PCDHA9: variants seen among roughly 807,000 people sequenced by gnomAD.
PCDHA9 encodes protocadherin alpha 9, also known as protocadherin alpha-9.
In PCDHA9, 62 loss-of-function variants were observed where a neutral mutation model predicts 62.0. The observed-to-expected ratio is 1.00, with a 90% confidence interval of 0.81 to 1.23. The LOEUF (loss-of-function observed/expected upper bound fraction) is 1.23. PCDHA9 is among the 50% of genes most tolerant of loss of function. PCDHA9 has a pLI of 0.00. For missense variants in PCDHA9, 1,205 were observed against 1,249.8 expected (o/e 0.96, Z 0.54); for synonymous variants, 557 against 567.6 (o/e 0.98, Z 0.27).
intron 3 of PCDHA9, among the ~76,000 whole-genome samples, chr5:140,994,104 T>C (rs1356172498): frequency 6.6e-6 from 1 of 152,210 alleles, no homozygotes; most frequent in Non-Finnish European, 1.5e-5. Context: ...ATGGAAATAT[T>C]ACATTGTCAT....
Position 140,929,287 on chromosome 5 carries a change from C to T in PCDHA9, c.2395-49662C>T, listed in dbSNP as rs782325052. On this transcript the variant is annotated intron_variant, in intron 1 of 3. Transcript: ENST00000532602. The stretch of plus-strand genomic sequence containing the variant: ...TTTGCCAATATCCTGTATTCAGATT[C>T]GGAATAGGAAAGGGGATCACGCTAA... 13 of 1,598,668 alleles carry T rather than the reference C, an allele frequency of 8.1e-6. No homozygotes were observed. In the East Asian group the frequency reaches 2.5e-4, roughly 30 times the overall value.
chr5:140,926,881 C>G, intron 1 of PCDHA9: 1 of 1,541,960 alleles, frequency 6.5e-7, no homozygotes, highest in Non-Finnish European at 8.8e-7. Context: ...AACGTGGACG[C>G]CTAGAGGGAG....
rs543030376 is a variant in PCDHA9, at chr5:140,961,758, G to A, written c.2395-17191G>A. 3.3e-5 allele frequency among the ~76,000 whole-genome samples: 5 copies of A among 152,240 alleles called. No individual in the cohort carries two copies. In the South Asian group the frequency reaches 8.3e-4, roughly 25 times the overall value. On this transcript the variant is annotated intron_variant, in intron 1 of 3. Coordinates refer to ENST00000532602, the MANE Select transcript of PCDHA9 (RefSeq NM_031857.2). ...CTTTAGTAATATTACAGTTTTGAAG[G>A]AATTTATATCAAGCTTAATGGCACT...
chr5:140,874,868 T>C (rs1554167378), intron 1 of PCDHA9, among the ~76,000 whole-genome samples: 1 of 152,254 alleles, frequency 6.6e-6, no homozygotes, highest in Non-Finnish European at 1.5e-5. Flanking sequence ...TTATCCTTTG[T>C]TAAATACAAA....
intron 1 of PCDHA9, among the ~76,000 whole-genome samples, chr5:140,956,211 TCCTTG>T (rs2095268091): frequency 6.6e-6 from 1 of 152,198 alleles, no homozygotes; most frequent in Non-Finnish European, 1.5e-5. Flanking sequence ...AAAGAGGGCA[TCCTTG>T]TCTTGTGCTG....
intron 1 of PCDHA9, chr5:140,877,218 G>T: frequency 1.2e-6 from 2 of 1,613,726 alleles, no homozygotes; most frequent in South Asian, 1.1e-5. Context: ...AGTTGGTACC[G>T]CGGTCGGTGG....
chr5:140,960,120 C>A (rs2095527331), intron 1 of PCDHA9, among the ~76,000 whole-genome samples: 1 of 152,118 alleles, frequency 6.6e-6, no homozygotes, highest in African/African-American at 2.4e-5. Context: ...AATAGTATTC[C>A]TTATGAAATA....
At chr5:140,928,082 T>A (rs1387313022) in intron 1 of PCDHA9, 4 of 1,614,094 alleles carry the variant, frequency 2.5e-6, no homozygotes, top group Admixed American at 3.3e-5. Context: ...TACTACAGCC[T>A]GCTGATTGAT....
At chr5:140,976,060 T>G (rs1554237234) in intron 1 of PCDHA9, among the ~76,000 whole-genome samples, 3 of 152,228 alleles carry the variant, frequency 2.0e-5, no homozygotes. Flanking sequence ...GATAGTAATA[T>G]ATGTCTTACT....
At position 140,849,459 on chromosome 5, in the gene PCDHA9, G is replaced by A. The variant is rs2150438078; in HGVS notation, c.964G>A (p.Ala322Thr). The change falls in exon 1 of 4, where the codon GCT becomes ACT. Residue 322 changes from alanine (A) to threonine (T), a missense_variant. Transcript: ENST00000532602. ...TAGAGCACACAAGATCCCAGTCGAG[G>A]CTGTCGATAAAGGCTTCCCACCCCT... ...ESRAHKIPVE[A>T]VDKGFPPLAG... is the part of the protein sequence containing the mutation. 169 of 1,587,860 alleles carry A rather than the reference G, an allele frequency of 1.1e-4. 13 individuals carry two copies. The highest frequency in any genetic ancestry group is 1.4e-4 in the Non-Finnish European group (163 of 1,161,590).
chr5:140,848,620 G>A lies in PCDHA9; in HGVS notation c.125G>A (p.Gly42Asp), dbSNP rs149227021. 3.5e-4 allele frequency: 562 copies of A among 1,593,402 alleles called. 59 individuals are homozygous for A. Among genetic ancestry groups the A allele is most frequent in the Non-Finnish European group, 4.4e-4 (511 of 1,163,966 alleles). Residue 42 changes from glycine (G) to aspartate (D), a missense_variant, in exon 1 of 4, where the codon GGC becomes GAC. By Grantham distance (94) the Gly-to-Asp change is moderately conservative. This residue lies in a region of PCDHA9 where 208 missense variants were observed against 213.2 expected (regional missense o/e 0.98). Coordinates refer to ENST00000532602, the MANE Select transcript of PCDHA9 (RefSeq NM_031857.2). Reference protein sequence around the residue: ...HYSVPEEAEHGTFVGRIAQDL... With the variant: ...HYSVPEEAEHDTFVGRIAQDL... Reference sequence around the variant, plus strand: ...TCCGTCCCGGAGGAAGCCGAACACGGCACCTTCGTGGGCCGCATCGCGCAG... The same window carrying A: ...TCCGTCCCGGAGGAAGCCGAACACGACACCTTCGTGGGCCGCATCGCGCAG...
chr5:140,961,564 T>A (rs2095622037), intron 1 of PCDHA9, among the ~76,000 whole-genome samples: 1 of 152,208 alleles, frequency 6.6e-6, no homozygotes, highest in African/African-American at 2.4e-5. Flanking sequence ...TTTTAAATTT[T>A]GTTTTGATAA....
chr5:140,866,490 C>T (rs1197584665), intron 1 of PCDHA9: 2 of 152,070 alleles, frequency 1.3e-5, no homozygotes, highest in Admixed American at 1.3e-4. Flanking sequence ...TGATTTGTGA[C>T]CAAATAACTG....
chr5:140,929,645 C>G (rs1271694172), intron 1 of PCDHA9: 1 of 366,374 alleles, frequency 2.7e-6, no homozygotes, highest in Non-Finnish European at 5.0e-6. Context: ...ATGTGTAAGG[C>G]ACTCTAATAT....
intron 1 of PCDHA9, among the ~76,000 whole-genome samples, chr5:140,952,977 C>G (rs148504111): frequency 6.6e-6 from 1 of 152,064 alleles, no homozygotes; most frequent in East Asian, 1.9e-4. Flanking sequence ...TTTTAAACAA[C>G]AAGATCTCAT....
chr5:140,875,924 A>G (rs782181544), intron 1 of PCDHA9: 5 of 1,613,936 alleles, frequency 3.1e-6, no homozygotes, highest in Non-Finnish European at 4.2e-6. Context: ...CTGGACTCTC[A>G]TTTTCCTCTA....
Position 140,927,871 on chromosome 5 carries a change from C to T in PCDHA9, c.2395-51078C>T, listed in dbSNP as rs376396178. The T allele has an allele frequency of 5.6e-6, 9 of 1,614,048 alleles. No individual in the cohort carries two copies. In the African/African-American group the frequency reaches 1.2e-4, roughly 22 times the overall value. ...TGGTTTAGCTAGCACCGCTAAACTG[C>T]TGGTGGAGGTGACTGACGTGAACGA... On this transcript the variant is annotated intron_variant, in intron 1 of 3. Coordinates refer to ENST00000532602, the MANE Select transcript of PCDHA9 (RefSeq NM_031857.2).
At chr5:140,897,566 A>C (rs1461105293) in intron 1 of PCDHA9, among the ~76,000 whole-genome samples, 1 of 151,760 alleles carries the variant, frequency 6.6e-6, no homozygotes, top group Non-Finnish European at 1.5e-5. Flanking sequence ...TATGTGCCAC[A>C]TTTTCTTAAT....
Position 140,849,728 on chromosome 5 carries a change from A to C in PCDHA9, c.1233A>C (p.Arg411Ser), listed in dbSNP as rs144507871. ...ATTACTACTCGTTGGTGCTGGACAG[A>C]GCTCTGGACCGCGAGAGTGTGTCCG... ...YKNYYSLVLD[R>S]ALDRESVSAY... Residue 411 changes from arginine to serine, a missense_variant, in exon 1 of 4, where the codon AGA (arginine) becomes AGC (serine). Physicochemically the swap from Arg to Ser is moderately radical, Grantham distance 110. This residue lies in a region of PCDHA9 where 887 missense variants were observed against 809.5 expected (regional missense o/e 1.10). Transcript: ENST00000532602. 513 of 1,598,410 alleles carry C rather than the reference A, an allele frequency of 3.2e-4. 33 individuals carry two copies. In the African/African-American group the frequency reaches 4.5e-3, roughly 14 times the overall value.
Sources: allele counts gnomAD v4.1 joint callset (sites outside exome capture counted in the v4.1 genomes callset), GRCh38; gene constraint gnomAD v4.1.1; regional missense constraint gnomAD v4.1.1; transcripts MANE v1.5; gene names NCBI Gene and HGNC (gene_info 2026-07-23, HGNC 2026-07-21).